The following CLN8 variants were observed in gnomAD, a reference collection of about 807,000 sequenced individuals.
CLN8 encodes the protein protein CLN8.
Under a neutral mutation model 15.7 loss-of-function variants are expected in CLN8, and 14 were observed. The observed-to-expected ratio is 0.89, with a 90% confidence interval of 0.59 to 1.39. The LOEUF (loss-of-function observed/expected upper bound fraction) is 1.39. CLN8 is among the 40% of genes most tolerant of loss of function. The pLI is 0.00. For synonymous variants in CLN8, 188 were observed against 151.0 expected, an observed-to-expected ratio of 1.25 and a Z score of -1.80; for missense variants, 415 against 364.0, an observed-to-expected ratio of 1.14 and a Z score of -1.14.
At chr8:1,772,759 C>T (rs1320634401) in intron 2 of CLN8, among the ~76,000 whole-genome samples, 2 of 151,944 alleles carry the variant, frequency 1.3e-5, no homozygotes, top group Non-Finnish European at 2.9e-5. Context: ...GGATTACAGG[C>T]ATGAGCCACC....
intron 1 of CLN8, among the ~76,000 whole-genome samples, chr8:1,768,798 A>G (rs576710576): frequency 6.6e-6 from 1 of 152,280 alleles, no homozygotes; most frequent in South Asian, 2.1e-4. Context: ...CACACTGAAT[A>G]CCAGAGCCGA....
intron 2 of CLN8, chr8:1,772,786 T>C (rs1472934154): frequency 2.6e-6 from 1 of 383,640 alleles, no homozygotes; most frequent in Non-Finnish European, 4.6e-6. Context: ...AGCCTTAAAA[T>C]TGTTTTTACA....
intron 1 of CLN8, among the ~76,000 whole-genome samples, chr8:1,768,479 AG>A (rs1228464082): frequency 1.3e-5 from 2 of 152,190 alleles, no homozygotes; most frequent in African/African-American, 4.8e-5. Flanking sequence ...GAGGTCCTAC[AG>A]AAGTTAGTGG....
chr8:1,757,317 C>T (rs1048591975), intron 1 of CLN8, among the ~76,000 whole-genome samples: 2 of 152,216 alleles, frequency 1.3e-5, no homozygotes, highest in Admixed American at 1.3e-4. Context: ...AACCCAAAAA[C>T]GTCTCCAGAC....
intron 1 of CLN8, among the ~76,000 whole-genome samples, chr8:1,766,218 C>G (rs1343927394): frequency 5.3e-5 from 8 of 152,048 alleles, no homozygotes; most frequent in Non-Finnish European, 1.2e-4. Context: ...ACATTTTCTC[C>G]AAAGAAAATG....
upstream of CLN8, chr8:1,759,612 G>A (rs1162718187): frequency 6.6e-6 from 1 of 152,180 alleles, no homozygotes; most frequent in Non-Finnish European, 1.5e-5. Flanking sequence ...GAGCCTTGAG[G>A]GCTTCGAGGA....
intron 1 of CLN8, among the ~76,000 whole-genome samples, chr8:1,757,641 A>C (rs1192823822): frequency 6.6e-6 from 1 of 152,108 alleles, no homozygotes; most frequent in Non-Finnish European, 1.5e-5. Flanking sequence ...AGGTTTCACT[A>C]GCCTGGTCAC....
chr8:1,758,447 G>C (rs1800721498), intron 1 of CLN8: 1 of 152,186 alleles, frequency 6.6e-6, no homozygotes, highest in Admixed American at 6.5e-5. Flanking sequence ...TTGGGTTCTA[G>C]CTGGATTTTA....
At chr8:1,758,850 T>C (rs1800729011), upstream of CLN8, 3 of 152,174 alleles carry the variant, frequency 2.0e-5, 1 homozygote, top group South Asian at 6.2e-4. Context: ...AGAGCTCTTA[T>C]TGGACCTAAA....
rs1252241189 is a variant in CLN8 at position 1,785,690 on chromosome 8, C to A, written c.*5123C>A. On this transcript the variant is annotated 3_prime_UTR_variant, in exon 3 of 3. Transcript: ENST00000331222. ...CAGGCGGCGTGGGGTTAGACAGGTA[C>A]CGGTCAGATTACGGTGGCACAGGCT... The A allele has an allele frequency of 7.6e-6, 1 of 132,332 alleles. No homozygotes were observed. Among genetic ancestry groups the A allele is most frequent in the Non-Finnish European group, 1.6e-5 (1 of 61,546 alleles). The allele number at this position is 132,332 out of a possible 1,614,324, so 8.2% of individuals were successfully genotyped here.
chr8:1,764,344 C>G (rs1563102769), intron 1 of CLN8: 1 of 143,612 alleles, frequency 7.0e-6, no homozygotes, highest in African/African-American at 2.6e-5. Context: ...GGATGCCGGA[C>G]GGAGGGAGGG....
At chr8:1,779,863 G>A in intron 2 of CLN8, 2 of 748,488 alleles carry the variant, frequency 2.7e-6, no homozygotes, top group Non-Finnish European at 3.3e-6. Context: ...ATGGGAGCTT[G>A]ATATACCTGT....
chr8:1,768,730 T>C (rs187653346), intron 1 of CLN8, among the ~76,000 whole-genome samples: 7 of 152,326 alleles, frequency 4.6e-5, no homozygotes, highest in Non-Finnish European at 7.3e-5. Context: ...GGCATTAGGC[T>C]GCACTTGAAG....
rs1462963398 is a variant in CLN8 at position 1,780,384 on chromosome 8, G to A, written c.678G>A (p.Leu226=). ...FWHWDGLVSS[L]YLPHLTLFLV... is the part of the protein sequence containing the mutation. ...ACTGGGACGGCCTGGTCAGCAGCCT[G>A]TATCTGCCTCATTTGACACTGTTCC... Residue 226 remains leucine (L), a synonymous_variant, in exon 3 of 3, where the codon CTG becomes CTA. Coordinates refer to ENST00000331222, the MANE Select transcript of CLN8 (RefSeq NM_018941.4). 3 of 1,614,130 alleles carry A rather than the reference G, an allele frequency of 1.9e-6. No homozygotes were observed. The highest frequency in any genetic ancestry group is 2.5e-6 in the Non-Finnish European group (3 of 1,180,050).
chr8:1,770,955 C>G lies in CLN8; in HGVS notation c.-100C>G, dbSNP rs532828506. On this transcript the variant is annotated 5_prime_UTR_variant, in exon 2 of 3. The change creates a new upstream start codon in the 5' untranslated region. Transcript: ENST00000331222. ...AGATTGAAGATGGATACGTGACAAT[C>G]CCAGGGACCGCTGCACTGACTTCAT... 5 of 1,089,344 alleles carry G rather than the reference C, an allele frequency of 4.6e-6. No homozygotes were observed. The African/African-American group carries it at 7.7e-5, about 17-fold the overall frequency. The allele number at this position is 1,089,344 out of a possible 1,614,324, so 67.5% of individuals were successfully genotyped here.
intron 1 of CLN8, among the ~76,000 whole-genome samples, chr8:1,770,666 G>A (rs1402215104): frequency 1.3e-5 from 2 of 152,148 alleles, no homozygotes; most frequent in Non-Finnish European, 2.9e-5. Context: ...CTGGTGGGGT[G>A]CACATAGGAC....
upstream of CLN8, chr8:1,755,745 C>G (rs1353327016): frequency 6.6e-6 from 1 of 152,232 alleles, no homozygotes; most frequent in Non-Finnish European, 1.5e-5. Flanking sequence ...GTTACACCCT[C>G]TCTTCATGCT....
At chr8:1,755,551 G>A (rs988652573), upstream of CLN8, among the ~76,000 whole-genome samples, 5 of 152,114 alleles carry the variant, frequency 3.3e-5, no homozygotes, top group African/African-American at 7.2e-5. Context: ...TCTGAACACC[G>A]TGTCGCAGGT....
intron 1 of CLN8, among the ~76,000 whole-genome samples, chr8:1,766,026 G>C (rs1020447066): frequency 2.0e-5 from 3 of 152,132 alleles, no homozygotes; most frequent in Non-Finnish European, 4.4e-5. Flanking sequence ...CCGGAGGAGC[G>C]CATAGATGCA....
Sources: allele counts gnomAD v4.1 joint callset (sites outside exome capture counted in the v4.1 genomes callset), GRCh38; gene constraint gnomAD v4.1.1; transcripts MANE v1.5; gene names NCBI Gene and HGNC (gene_info 2026-07-23, HGNC 2026-07-21).